The following PRKAA2 variants were observed in gnomAD, a reference collection of about 807,000 sequenced individuals.
PRKAA2 encodes the protein 5'-AMP-activated protein kinase catalytic subunit alpha-2.
PRKAA2 carries 40 observed loss-of-function variants against 56.3 expected under a neutral mutation model. The observed-to-expected ratio is 0.71, with a 90% CI of 0.55 to 0.92. The LOEUF is 0.92. Ranked by LOEUF, PRKAA2 falls within the 40% of genes least tolerant of loss-of-function variation. The pLI is 0.00. For missense variants in PRKAA2, 542 were observed against 686.9 expected (o/e 0.79, Z 2.36); for synonymous variants, 214 against 234.2 (o/e 0.91, Z 0.79).
intron 1 of PRKAA2, among the ~76,000 whole-genome samples, chr1:56,649,200 A>G (rs1437892727): frequency 3.3e-5 from 5 of 152,166 alleles, no homozygotes; most frequent in Admixed American, 1.3e-4. Context: ...CTGATGTTTA[A>G]CTATGTGATC....
intron 1 of PRKAA2, among the ~76,000 whole-genome samples, chr1:56,652,929 T>C (rs147782090): frequency 6.6e-6 from 1 of 152,316 alleles, no homozygotes; most frequent in East Asian, 1.9e-4. Context: ...GACTACTTTA[T>C]CTGTGCTTTA....
intron 1 of PRKAA2, among the ~76,000 whole-genome samples, chr1:56,662,731 G>T (rs890358218): frequency 2.0e-5 from 3 of 152,136 alleles, no homozygotes; most frequent in Non-Finnish European, 4.4e-5. Context: ...GTAACTAAAA[G>T]AAAATAGGTT....
At position 56,674,384 on chromosome 1, in the gene PRKAA2, G is replaced by T; in HGVS notation, c.98G>T (p.Gly33Val). The change falls in exon 2 of 9, where the codon GGA (glycine) becomes GTA (valine). Residue 33 changes from glycine to valine, a missense_variant. Physicochemically the swap from Gly to Val is moderately radical, Grantham distance 109. Transcript: ENST00000371244. ...GVGTFGKVKI[G>V]EHQLTGHKVA... is the part of the protein sequence containing the mutation. The stretch of plus-strand genomic sequence containing the variant: ...TTTTCCTTTTTCTTTTCTTTAGTTG[G>T]AGAACATCAATTAACAGGCCATAAA... The T allele has an allele frequency of 6.5e-7, 1 of 1,543,660 alleles. No individual in the cohort carries two copies. The highest frequency in any genetic ancestry group is 8.7e-7 in the Non-Finnish European group (1 of 1,150,596).
intron 2 of PRKAA2, among the ~76,000 whole-genome samples, chr1:56,679,984 C>G (rs1277740342): frequency 6.6e-6 from 1 of 152,122 alleles, no homozygotes; most frequent in Non-Finnish European, 1.5e-5. Flanking sequence ...GCTTACTTTA[C>G]TATAAGAATA....
At position 56,710,644 on chromosome 1, in the gene PRKAA2, T is replaced by C. The variant is rs1390666212; in HGVS notation, c.*2931T>C. ...TTTTAACTTGCAGACATGTTCATCG[T>C]GAGTGAATGCTGGATTAAATAGAAT... is the stretch of plus-strand genomic sequence containing the variant. On this transcript the variant is annotated 3_prime_UTR_variant, in exon 9 of 9. Coordinates refer to ENST00000371244, the MANE Select transcript of PRKAA2 (RefSeq NM_006252.4). 1.3e-5 allele frequency: 2 copies of C among 152,142 alleles called. No homozygotes were observed. Among genetic ancestry groups the C allele is most frequent in the Non-Finnish European group, 2.9e-5 (2 of 67,974 alleles). The allele number at this position is 152,142 out of a possible 1,614,324, so 9.4% of individuals were successfully genotyped here.
chr1:56,674,180 T>C lies in PRKAA2; in HGVS notation c.95-201T>C, dbSNP rs192675465. Among the ~76,000 whole-genome samples, 298 of 152,256 alleles carry C rather than the reference T, an allele frequency of 2.0e-3. 2 individuals are homozygous for C. The highest frequency in any genetic ancestry group is 9.7e-4 in the Non-Finnish European group (66 of 67,992). On this transcript the variant is annotated intron_variant, in intron 1 of 8. Transcript: ENST00000371244. ...CTGTTAGGTGCAAAAGATACAGAGA[T>C]GACTAAGATACAGTTTCTGTCCTCA...
chr1:56,681,384 G>A (rs963952093), intron 2 of PRKAA2, among the ~76,000 whole-genome samples: 1 of 152,034 alleles, frequency 6.6e-6, no homozygotes, highest in East Asian at 1.9e-4. Flanking sequence ...GTCAATTTTG[G>A]CTTTTGTTGC....
At chr1:56,698,079 C>CT (rs530647275) in intron 6 of PRKAA2, among the ~76,000 whole-genome samples, 2,067 of 121,078 alleles carry the variant, frequency 0.017, 49 homozygotes, top group African/African-American at 0.048. Context: ...TTTTTTAATT[C>CT]TTTTTTTTTT....
intron 6 of PRKAA2, among the ~76,000 whole-genome samples, chr1:56,697,566 T>C (rs1030464768): frequency 1.3e-5 from 2 of 152,188 alleles, no homozygotes; most frequent in African/African-American, 4.8e-5. Flanking sequence ...AAAAACTCTT[T>C]GTGTTTATAG....
Position 56,664,311 on chromosome 1 carries a change from G to A in PRKAA2, c.95-10070G>A, listed in dbSNP as rs530115162. ...CTTTAATAGGGACTCTTTTTAAACT[G>A]TTGCTTATCCTTCTTAGTGCCTCAA... On this transcript the variant is annotated intron_variant, in intron 1 of 8. Coordinates refer to ENST00000371244, the MANE Select transcript of PRKAA2 (RefSeq NM_006252.4). Among the ~76,000 whole-genome samples, 41 of 151,988 alleles carry A rather than the reference G, an allele frequency of 2.7e-4. No individual in the cohort carries two copies. In the South Asian group the frequency reaches 8.3e-3, roughly 31 times the overall value.
chr1:56,673,199 C>T (rs1644090123), intron 1 of PRKAA2, among the ~76,000 whole-genome samples: 1 of 151,726 alleles, frequency 6.6e-6, no homozygotes, highest in African/African-American at 2.4e-5. Context: ...TGGTGAGACC[C>T]CATCTCTACA....
At chr1:56,698,239 G>A (rs1644272173) in intron 6 of PRKAA2, among the ~76,000 whole-genome samples, 1 of 151,682 alleles carries the variant, frequency 6.6e-6, no homozygotes, top group Non-Finnish European at 1.5e-5. Flanking sequence ...TTCTTGATTT[G>A]ATAAAATATA....
intron 1 of PRKAA2, among the ~76,000 whole-genome samples, chr1:56,660,932 G>A (rs1643988595): frequency 6.6e-6 from 1 of 152,130 alleles, no homozygotes; most frequent in East Asian, 1.9e-4. Flanking sequence ...GATTTTCAGG[G>A]AAAGGAAATT....
At chr1:56,673,068 G>A (rs1231055508) in intron 1 of PRKAA2, among the ~76,000 whole-genome samples, 7 of 152,134 alleles carry the variant, frequency 4.6e-5, no homozygotes, top group Non-Finnish European at 1.0e-4. Flanking sequence ...GAGGAGGGAT[G>A]TGGACAGAAG....
chr1:56,672,545 C>T (rs1004356871), intron 1 of PRKAA2, among the ~76,000 whole-genome samples: 1 of 152,084 alleles, frequency 6.6e-6, no homozygotes, highest in African/African-American at 2.4e-5. Flanking sequence ...AGATGAATGA[C>T]ATAACATAAG....
chr1:56,658,003 C>T (rs1569714804), intron 1 of PRKAA2, among the ~76,000 whole-genome samples: 1 of 152,080 alleles, frequency 6.6e-6, no homozygotes, highest in African/African-American at 2.4e-5. Context: ...GAATGAAATG[C>T]AAGAACAGAA....
At chr1:56,679,006 G>A (rs979240139) in intron 2 of PRKAA2, among the ~76,000 whole-genome samples, 2 of 152,008 alleles carry the variant, frequency 1.3e-5, no homozygotes, top group Non-Finnish European at 2.9e-5. Context: ...ATTCTTTTTA[G>A]TCTATCTTAT....
Position 56,714,659 on chromosome 1 carries a change from T to C in PRKAA2, c.*6946T>C, listed in dbSNP as rs1644394091. 6.6e-6 allele frequency: 1 copy of C among 152,182 alleles called. No homozygotes were observed. The highest frequency in any genetic ancestry group is 1.5e-5 in the Non-Finnish European group (1 of 67,994). The allele number at this position is 152,182 out of a possible 1,614,324, so 9.4% of individuals were successfully genotyped here. On this transcript the variant is annotated 3_prime_UTR_variant, in exon 9 of 9. Transcript: ENST00000371244. The stretch of plus-strand genomic sequence containing the variant: ...AAGACTGTTCACAAATATCTGTGGT[T>C]GTACAATGTTTTGAACATTTAATGT...
chr1:56,686,204 T>G lies in PRKAA2; in HGVS notation c.237-5190T>G, dbSNP rs983267650. ...ATAAGCATGGGCAAAAGACACAGCA[T>G]TTTCTACGAAGAAATGTATATGGTG... is the stretch of plus-strand genomic sequence containing the variant. On this transcript the variant is annotated intron_variant, in intron 2 of 8. Coordinates refer to ENST00000371244, the MANE Select transcript of PRKAA2 (RefSeq NM_006252.4). 2.6e-5 allele frequency among the ~76,000 whole-genome samples: 4 copies of G among 152,336 alleles called. No individual in the cohort carries two copies. In the South Asian group the frequency reaches 8.3e-4, roughly 32 times the overall value.
Sources: allele counts gnomAD v4.1 joint callset (sites outside exome capture counted in the v4.1 genomes callset), GRCh38; gene constraint gnomAD v4.1.1; transcripts MANE v1.5; gene names NCBI Gene and HGNC (gene_info 2026-07-23, HGNC 2026-07-21).